CDS1: variants seen among roughly 807,000 people sequenced by gnomAD.
CDS1 encodes the protein phosphatidate cytidylyltransferase 1.
Under a neutral mutation model 62.1 loss-of-function variants are expected in CDS1, and 41 were observed. The observed-to-expected ratio is 0.66, with a 90% confidence interval of 0.51 to 0.86. The LOEUF is 0.86. CDS1 is among the 40% of genes least tolerant of loss of function. CDS1 has a pLI of 0.00. For missense variants in CDS1, 470 were observed against 550.1 expected (o/e 0.85, Z 1.46); for synonymous variants, 185 against 192.6 (o/e 0.96, Z 0.32).
chr4:84,635,696 T>TTCCTTCCCTCCCTCCCTCCC (rs1560481739), intron 8 of CDS1, among the ~76,000 whole-genome samples: 1 of 58,408 alleles, frequency 1.7e-5, no homozygotes, highest in Admixed American at 2.0e-4. Context: ...CCTTCCCTCC[T>TTCCTTCCCTCCCTCCCTCCC]TCCCTCCCTC....
rs530772231 is a variant in CDS1, at chr4:84,640,954, C to T, written c.996C>T (p.Tyr332=). The part of the protein sequence containing the change: ...EPSELFQLQT[Y]SLPPFLKAVL... ...CAGAACTTTTCCAGCTTCAGACTTACTCACTTCCACCCTTTCTAAAGGCAG... is the reference window on the plus strand; with the variant it reads ...CAGAACTTTTCCAGCTTCAGACTTATTCACTTCCACCCTTTCTAAAGGCAG... The change falls in exon 10 of 13, where the codon TAC becomes TAT. Residue 332 remains tyrosine, a synonymous_variant. Coordinates refer to ENST00000295887, the MANE Select transcript of CDS1 (RefSeq NM_001263.4). The T allele has an allele frequency of 1.4e-4, 218 of 1,608,950 alleles. 3 individuals carry two copies. The South Asian group carries it at 2.3e-3, about 17-fold the overall frequency.
Position 84,645,284 on chromosome 4 carries a change from G to C in CDS1, c.1215G>C (p.Leu405Phe), listed in dbSNP as rs1276344095. ...GIMDRFDCQY[L>F]MATFVHVYIT... ...TGGACAGATTTGATTGTCAGTATTT[G>C]ATGGCAACTTTTGTACATGTGTACA... Residue 405 changes from leucine to phenylalanine, a missense_variant, in exon 12 of 13, where the codon TTG becomes TTC. By Grantham distance (22) the Leu-to-Phe change is conservative. This residue lies in a region of CDS1 where 68 missense variants were observed against 81.5 expected (regional missense o/e 0.83). Transcript: ENST00000295887. 5.0e-6 allele frequency: 8 copies of C among 1,612,262 alleles called. No homozygotes were observed. The highest frequency in any genetic ancestry group is 6.8e-6 in the Non-Finnish European group (8 of 1,178,590).
At chr4:84,611,251 A>G (rs922808943) in intron 3 of CDS1, among the ~76,000 whole-genome samples, 1 of 152,204 alleles carries the variant, frequency 6.6e-6, no homozygotes, top group African/African-American at 2.4e-5. Context: ...AGTGCTGAGC[A>G]TGGTTTGACA....
In CDS1 at chr4:84,624,131, G is replaced by A. The variant is rs541322984; in HGVS notation, c.580+4598G>A. On this transcript the variant is annotated intron_variant, in intron 5 of 12. Coordinates refer to ENST00000295887, the MANE Select transcript of CDS1 (RefSeq NM_001263.4). ...CTAAAAATACAAAAAAAAATTAGCT[G>A]GGCGTGGTGGTGGGCGCCTATAGTC... Among the ~76,000 whole-genome samples the A allele has an allele frequency of 1.0e-3, 156 of 151,852 alleles. 2 individuals are homozygous for A. The East Asian group carries it at 0.022, about 21-fold the overall frequency.
At chr4:84,584,331 T>C (rs1158605888) in intron 1 of CDS1, among the ~76,000 whole-genome samples, 1 of 152,220 alleles carries the variant, frequency 6.6e-6, no homozygotes. Flanking sequence ...TCTTATGGAC[T>C]GGATGGTTTG....
At chr4:84,618,088 C>CA (rs1322314374) in intron 4 of CDS1, among the ~76,000 whole-genome samples, 2 of 151,970 alleles carry the variant, frequency 1.3e-5, no homozygotes, top group Admixed American at 6.6e-5. Context: ...AAGTTAGTAA[C>CA]AAAATCACCA....
intron 5 of CDS1, 22 bp from the exon 6 acceptor site, chr4:84,631,797 C>T (rs111327056): frequency 3.1e-6 from 5 of 1,603,008 alleles, no homozygotes; most frequent in African/African-American, 2.7e-5. Flanking sequence ...ACAACGAGCA[C>T]ATGTTTTTTG....
chr4:84,594,477 CATTTCAGAGCTACTA>C (rs1722689602), intron 1 of CDS1, among the ~76,000 whole-genome samples: 1 of 151,864 alleles, frequency 6.6e-6, no homozygotes, highest in Non-Finnish European at 1.5e-5. Flanking sequence ...AAAATAACTG[CATTTCAGAGCTACTA>C]ATGTGTCTGC....
intron 1 of CDS1, among the ~76,000 whole-genome samples, chr4:84,585,100 T>C (rs1020503183): frequency 6.6e-6 from 1 of 152,242 alleles, no homozygotes; most frequent in African/African-American, 2.4e-5. Context: ...AATTAAGTTT[T>C]TTCTTTTTTT....
chr4:84,606,920 G>A (rs986434085), intron 2 of CDS1, among the ~76,000 whole-genome samples: 21 of 152,190 alleles, frequency 1.4e-4, no homozygotes, highest in Middle Eastern at 3.4e-3. Flanking sequence ...CTAGATTTGC[G>A]ACCTAGCCCA....
At chr4:84,623,511 C>G (rs1723754020) in intron 5 of CDS1, among the ~76,000 whole-genome samples, 1 of 152,146 alleles carries the variant, frequency 6.6e-6, no homozygotes, top group South Asian at 2.1e-4. Flanking sequence ...AGTTTTCTAT[C>G]TGTTTTCTAG....
In CDS1 at chr4:84,648,796, T is replaced by C. The variant is rs1724629440; in HGVS notation, c.*110T>C. 1 of 1,048,686 alleles carries C rather than the reference T, an allele frequency of 9.5e-7. No homozygotes were observed. The highest frequency in any genetic ancestry group is 2.0e-5 in the South Asian group (1 of 49,802). The allele number at this position is 1,048,686 out of a possible 1,614,324, so 65.0% of individuals were successfully genotyped here. A position where few individuals can be genotyped will look rare whatever the true frequency, so the allele number is the denominator to read the frequency against. On this transcript the variant is annotated 3_prime_UTR_variant, in exon 13 of 13. Transcript: ENST00000295887. ...GTTAAAAATGCAATAGGTTGAAGTT[T>C]TGGAGATATGTTTCTCTCTGAAATT...
chr4:84,606,220 GA>G (rs796703799), intron 2 of CDS1, among the ~76,000 whole-genome samples: 3 of 151,020 alleles, frequency 2.0e-5, no homozygotes, highest in South Asian at 4.2e-4. Flanking sequence ...ATTACTTGCA[GA>G]AAAAAAAATC....
chr4:84,603,878 T>C (rs1723013165), intron 1 of CDS1, among the ~76,000 whole-genome samples: 1 of 152,160 alleles, frequency 6.6e-6, no homozygotes. Context: ...TTAATTGAAA[T>C]CAAATTTAAA....
rs566395007 is a variant in CDS1, at chr4:84,630,239, G to A, written c.581-1580G>A. On this transcript the variant is annotated intron_variant, in intron 5 of 12. Transcript: ENST00000295887. ...TTGATGCCATTAATTTCATGTTTTA[G>A]TATCTCTCTCTCTCTCATTCTTTCT... 1.1e-4 allele frequency among the ~76,000 whole-genome samples: 16 copies of A among 152,110 alleles called. 1 individual carries two copies. In the South Asian group the frequency reaches 3.3e-3, roughly 32 times the overall value.
At chr4:84,618,681 T>C (rs971586091) in intron 4 of CDS1, among the ~76,000 whole-genome samples, 6 of 152,046 alleles carry the variant, frequency 3.9e-5, no homozygotes, top group African/African-American at 1.4e-4. Flanking sequence ...AGTGGGTAAA[T>C]AGTTGGATTG....
intron 11 of CDS1, 117 bp downstream of exon 11, chr4:84,643,260 C>T: frequency 1.1e-6 from 1 of 894,090 alleles, no homozygotes; most frequent in East Asian, 2.5e-5. Context: ...CTTTTATATC[C>T]TATTTGTTTC....
intron 8 of CDS1, among the ~76,000 whole-genome samples, chr4:84,635,881 C>T (rs377549353): frequency 2.6e-5 from 4 of 151,526 alleles, no homozygotes; most frequent in South Asian, 4.2e-4. Flanking sequence ...CTCAGCCTCC[C>T]GAGTAGCTGG....
intron 4 of CDS1, among the ~76,000 whole-genome samples, chr4:84,618,935 T>G (rs1363627621): frequency 6.6e-6 from 1 of 152,054 alleles, no homozygotes; most frequent in Non-Finnish European, 1.5e-5. Context: ...ATTATGAACT[T>G]AATCCCTCAA....
Sources: gnomAD v4.1 joint callset for allele counts (sites outside exome capture counted in the v4.1 genomes callset) on GRCh38, gnomAD v4.1.1 for gene constraint, gnomAD v4.1.1 regional missense constraint, MANE v1.5 for transcripts, NCBI Gene and HGNC (gene_info 2026-07-23, HGNC 2026-07-21) for gene names.